The following USP6NL variants were observed in gnomAD, a reference collection of about 807,000 sequenced individuals.
The protein encoded by USP6NL is USP6 N-terminal-like protein.
USP6NL carries 26 observed loss-of-function variants against 61.9 expected under a neutral mutation model. That is an observed-to-expected ratio of 0.42 (90% CI 0.31 to 0.58). The LOEUF (loss-of-function observed/expected upper bound fraction) is 0.58, where lower values mean the gene tolerates loss of function less well. Ranked by LOEUF, USP6NL falls within the 20% of genes least tolerant of loss-of-function variation. USP6NL has a pLI of 0.16. For missense variants in USP6NL, 1,114 were observed against 1,034.3 expected (o/e 1.08, Z -1.06); for synonymous variants, 432 against 390.1 (o/e 1.11, Z -1.27).
chr10:11,494,542 A>G lies in USP6NL; in HGVS notation c.385-1314T>C, dbSNP rs375118195. Reference sequence around the variant, plus strand: ...GATAAAAGAAAAGACAGCTGGGCCCAGGGGACCACTACTACCAATGCGCGG... The same window carrying G: ...GATAAAAGAAAAGACAGCTGGGCCCGGGGGACCACTACTACCAATGCGCGG... On this transcript the variant is annotated intron_variant, in intron 7 of 14. Transcript: ENST00000609104. 5.2e-3 allele frequency among the ~76,000 whole-genome samples: 792 copies of G among 151,762 alleles called. 4 individuals are homozygous for G. Among genetic ancestry groups the G allele is most frequent in the South Asian group, 0.011 (52 of 4,816 alleles).
rs562820252 is a variant in USP6NL at position 11,576,858 on chromosome 10, T to C, written c.4+20773A>G. Among the ~76,000 whole-genome samples the C allele has an allele frequency of 4.6e-5, 7 of 152,294 alleles. No individual in the cohort carries two copies. In the South Asian group the frequency reaches 1.0e-3, roughly 23 times the overall value. Reference sequence around the variant, plus strand: ...GCTCTTTATCTTTCCACCCTTTCCATATAAAATTTAAAATCACCTAATAAG... The same window carrying C: ...GCTCTTTATCTTTCCACCCTTTCCACATAAAATTTAAAATCACCTAATAAG... On this transcript the variant is annotated intron_variant, in intron 2 of 14. Transcript: ENST00000609104.
At chr10:11,479,294 C>T (rs767081164) in intron 14 of USP6NL, among the ~76,000 whole-genome samples, 1 of 152,088 alleles carries the variant, frequency 6.6e-6, no homozygotes, top group Non-Finnish European at 1.5e-5. Context: ...CCTGTATGAA[C>T]AGACCAATAG....
rs746204500 is a variant in USP6NL at position 11,462,948 on chromosome 10, A to G, written c.1980T>C (p.Pro660=). 1.9e-6 allele frequency: 3 copies of G among 1,613,760 alleles called. No homozygotes were observed. The highest frequency in any genetic ancestry group is 4.5e-5 in the East Asian group (2 of 44,876). The change falls in exon 15 of 15, where the codon CCT becomes CCC. Residue 660 remains proline (P), a synonymous_variant. Coordinates refer to ENST00000609104, the MANE Select transcript of USP6NL (RefSeq NM_014688.5). ...NSSFASPQFS[P]GTQLNPSRRP... The stretch of plus-strand genomic sequence containing the variant: ...TCCTGGAAGGATTCAGTTGAGTCCC[A>G]GGGCTAAACTGTGGAGAAGCAAAGC...
At chr10:11,590,921 A>T (rs1838141108) in intron 2 of USP6NL, among the ~76,000 whole-genome samples, 1 of 152,156 alleles carries the variant, frequency 6.6e-6, no homozygotes, top group African/African-American at 2.4e-5. Flanking sequence ...TTTCATAACT[A>T]ATACAGGAAT....
intron 2 of USP6NL, among the ~76,000 whole-genome samples, chr10:11,593,187 G>C (rs927734375): frequency 2.0e-5 from 3 of 152,154 alleles, no homozygotes; most frequent in African/African-American, 4.8e-5. Context: ...AAACTTTCCT[G>C]AAGAAACTGA....
Position 11,591,229 on chromosome 10 carries a change from A to G in USP6NL, c.4+6402T>C, listed in dbSNP as rs1838150094. Among the ~76,000 whole-genome samples the G allele has an allele frequency of 6.6e-6, 1 of 152,212 alleles. No individual in the cohort carries two copies. Among genetic ancestry groups the G allele is most frequent in the African/African-American group, 2.4e-5 (1 of 41,452 alleles). On this transcript the variant is annotated intron_variant, in intron 2 of 14. Transcript: ENST00000609104. This position sits in a 1 kb window ranked among gnomAD's most constrained non-coding sequence, Gnocchi z 4.7. Reference sequence around the variant, plus strand: ...CTGCTTTCAGAATGGAATTCGAAATAGTTCTCTTAAGAATGGAGAGTCTCT... The same window carrying G: ...CTGCTTTCAGAATGGAATTCGAAATGGTTCTCTTAAGAATGGAGAGTCTCT...
chr10:11,577,060 C>CTTT (rs200482211), intron 2 of USP6NL, among the ~76,000 whole-genome samples: 1 of 133,106 alleles, frequency 7.5e-6, no homozygotes. Flanking sequence ...CTTTAGAATT[C>CTTT]TTTTTTTTTT....
intron 14 of USP6NL, among the ~76,000 whole-genome samples, chr10:11,472,684 A>AT (rs745377638): frequency 5.9e-5 from 9 of 152,394 alleles, no homozygotes; most frequent in Non-Finnish European, 1.2e-4. Context: ...TTAATGTAAT[A>AT]TTAGCCAAAA....
At chr10:11,497,169 G>A (rs1833966697) in intron 7 of USP6NL, among the ~76,000 whole-genome samples, 1 of 148,450 alleles carries the variant, frequency 6.7e-6, no homozygotes, top group Non-Finnish European at 1.5e-5. Context: ...CAGCGCTTTG[G>A]AAGGGTGAGG....
intron 6 of USP6NL, among the ~76,000 whole-genome samples, chr10:11,503,388 C>T (rs924400686): frequency 5.3e-5 from 8 of 152,070 alleles, no homozygotes; most frequent in Non-Finnish European, 1.0e-4. Flanking sequence ...AGTTACTGTA[C>T]ATCATTTATC....
chr10:11,564,334 T>A (rs1368848748), intron 2 of USP6NL: 1 of 152,238 alleles, frequency 6.6e-6, no homozygotes, highest in Non-Finnish European at 1.5e-5. Flanking sequence ...ATTGCAAACC[T>A]AATTGCTCTC....
chr10:11,571,089 T>TTA (rs1837343395), intron 2 of USP6NL, among the ~76,000 whole-genome samples: 1 of 148,458 alleles, frequency 6.7e-6, no homozygotes, highest in Non-Finnish European at 1.5e-5. Context: ...AAATAATTCT[T>TTA]TTTTTTTTTT....
rs549357996 is a variant in USP6NL, at chr10:11,529,976, C to T, written c.5-2409G>A. Among the ~76,000 whole-genome samples, 5 of 152,056 alleles carry T rather than the reference C, an allele frequency of 3.3e-5. No homozygotes were observed. The South Asian group carries it at 8.3e-4, about 25-fold the overall frequency. ...ATTAGCTGGGCATAGTGGTGCTTGCCTGTGGTCCCAGCTTAGTCGGGAGGC... is the reference window on the plus strand; with the variant it reads ...ATTAGCTGGGCATAGTGGTGCTTGCTTGTGGTCCCAGCTTAGTCGGGAGGC... On this transcript the variant is annotated intron_variant, in intron 2 of 14. Coordinates refer to ENST00000609104, the MANE Select transcript of USP6NL (RefSeq NM_014688.5).
At chr10:11,497,275 G>T (rs550570203) in intron 7 of USP6NL, among the ~76,000 whole-genome samples, 1 of 151,544 alleles carries the variant, frequency 6.6e-6, no homozygotes, top group Non-Finnish European at 1.5e-5. Context: ...ACCGGGCATG[G>T]TGGCGGGCAC....
In USP6NL at chr10:11,525,282, T is replaced by G. The variant is rs920085611; in HGVS notation, c.155+104A>C. ...ATCAAAACGCATATTGTAAGACTAT[T>G]CCTTATTCACAGCAATTATATTAAA... On this transcript the variant is annotated intron_variant, in intron 4 of 14. Coordinates refer to ENST00000609104, the MANE Select transcript of USP6NL (RefSeq NM_014688.5). This position sits in a 1 kb window ranked among gnomAD's most constrained non-coding sequence, Gnocchi z 5.0. 1.1e-6 allele frequency: 1 copy of G among 908,444 alleles called. No individual in the cohort carries two copies. Among genetic ancestry groups the G allele is most frequent in the Non-Finnish European group, 1.6e-6 (1 of 611,306 alleles). 56.3% of individuals were successfully genotyped at this position (908,444 alleles called of 1,614,324 possible). A position where few individuals can be genotyped will look rare whatever the true frequency, so the allele number is the denominator to read the frequency against.
At chr10:11,559,983 A>G (rs1836861648) in intron 2 of USP6NL, among the ~76,000 whole-genome samples, 1 of 152,248 alleles carries the variant, frequency 6.6e-6, no homozygotes. Context: ...GCAATAAAAT[A>G]TTAACAGAGG....
Position 11,511,850 on chromosome 10 carries a change from C to A in USP6NL, c.196-2175G>T, listed in dbSNP as rs1271205505. 6.6e-6 allele frequency among the ~76,000 whole-genome samples: 1 copy of A among 150,526 alleles called. No homozygotes were observed. The highest frequency in any genetic ancestry group is 1.5e-5 in the Non-Finnish European group (1 of 67,602). The stretch of plus-strand genomic sequence containing the variant: ...TTATACACACACACACACACACACA[C>A]CCCTTGGGAAGCTATAGGATCCGAA... On this transcript the variant is annotated intron_variant, in intron 5 of 14. Coordinates refer to ENST00000609104, the MANE Select transcript of USP6NL (RefSeq NM_014688.5). This position sits in a 1 kb window ranked among gnomAD's most constrained non-coding sequence, Gnocchi z 4.9.
chr10:11,604,548 G>A (rs1838649081), intron 1 of USP6NL, among the ~76,000 whole-genome samples: 1 of 152,126 alleles, frequency 6.6e-6, no homozygotes, highest in African/African-American at 2.4e-5. Flanking sequence ...ATCAACCTTG[G>A]AGGAAAATAA....
rs1287455453 is a variant in USP6NL at position 11,465,679 on chromosome 10, T to C, written c.1079-1830A>G. 1.2e-4 allele frequency among the ~76,000 whole-genome samples: 19 copies of C among 152,230 alleles called. No homozygotes were observed. The highest frequency in any genetic ancestry group is 5.9e-5 in the Non-Finnish European group (4 of 68,034). On this transcript the variant is annotated intron_variant, in intron 14 of 14. Coordinates refer to ENST00000609104, the MANE Select transcript of USP6NL (RefSeq NM_014688.5). This position sits in a 1 kb window ranked among gnomAD's most constrained non-coding sequence, Gnocchi z 4.5. ...GGCAGCGGAAGCACCCAAGCTGCTC[T>C]CAGTGCTGCCTGGAGGTGCCCAGAT...
Sources: gnomAD v4.1 joint callset for allele counts (sites outside exome capture counted in the v4.1 genomes callset) on GRCh38, gnomAD v4.1.1 for gene constraint, Gnocchi (gnomAD v3.1) non-coding constraint, MANE v1.5 for transcripts, NCBI Gene and HGNC (gene_info 2026-07-23, HGNC 2026-07-21) for gene names.